The following XKRX variants were observed in gnomAD, a reference collection of about 807,000 sequenced individuals.
The protein encoded by XKRX is XK related X-linked.
In XKRX, 11 loss-of-function variants were observed where a neutral mutation model predicts 22.4. The observed-to-expected ratio is 0.49, with a 90% confidence interval of 0.31 to 0.81. The LOEUF is 0.81. Among genes scored for constraint, XKRX ranks in the 40% least tolerant of loss-of-function variants. XKRX has a pLI of 0.05. For synonymous variants in XKRX, 114 were observed against 132.2 expected, an observed-to-expected ratio of 0.86 and a Z score of 0.94; for missense variants, 320 against 336.5, an observed-to-expected ratio of 0.95 and a Z score of 0.38.
chrX:100,904,997 C>T, the XKRX span, among the ~76,000 whole-genome samples: 1 of 111,713 alleles, frequency 9.0e-6, no homozygotes, highest in Non-Finnish European at 1.9e-5. Flanking sequence ...ATAGATCTGC[C>T]CCAATTTAAA....
Position 100,914,952 on chromosome X carries a change from A to G in XKRX, c.736T>C (p.Trp246Arg). Residue 246 changes from tryptophan to arginine, a missense_variant, in exon 3 of 3, where the codon TGG becomes CGG. Transcript: ENST00000372956. ...GPLEVLCITI[W>R]RTLEITSRLL... ...CGGGAAGTGATCTCCAATGTCCGCC[A>G]GATGGTGATGCAGAGGACTTCTAGT... The G allele has an allele frequency of 1.7e-6, 2 of 1,212,096 alleles. No individual in the cohort carries two copies. Among genetic ancestry groups the G allele is most frequent in the Non-Finnish European group, 2.2e-6 (2 of 895,637 alleles).
chrX:100,951,210 G>A, the XKRX span, among the ~76,000 whole-genome samples: 1 of 98,315 alleles, frequency 1.0e-5, no homozygotes, highest in Non-Finnish European at 2.0e-5. Context: ...CTCCAGCTTG[G>A]GCGACAAGAG....
At chrX:100,932,938 G>A (rs781003571), upstream of XKRX, among the ~76,000 whole-genome samples, 2 of 111,617 alleles carry the variant, frequency 1.8e-5, no homozygotes, top group African/African-American at 3.3e-5. Flanking sequence ...ACTGAGGTGG[G>A]AGGATTGCTT....
chrX:100,953,691 C>A, the XKRX span, among the ~76,000 whole-genome samples: 1 of 110,244 alleles, frequency 9.1e-6, no homozygotes, highest in Non-Finnish European at 1.9e-5. Flanking sequence ...GGCGGATCAC[C>A]TGAGGTCAGG....
chrX:100,888,354 C>T, the XKRX span: 3 of 726,996 alleles, frequency 4.1e-6, no homozygotes, highest in Non-Finnish European at 6.4e-6. Flanking sequence ...ACTTTTCCAT[C>T]CACCTTGTGT....
chrX:100,890,177 C>A, the XKRX span, among the ~76,000 whole-genome samples: 52 of 111,238 alleles, frequency 4.7e-4, 1 homozygote, highest in South Asian at 3.1e-3. Flanking sequence ...AGTCAGATTA[C>A]CTAGGGCTTT....
the XKRX span, among the ~76,000 whole-genome samples, chrX:100,948,709 A>T: frequency 8.6e-3 from 966 of 112,854 alleles, 10 homozygotes; most frequent in African/African-American, 0.03. Flanking sequence ...CCAAACAGAG[A>T]TACCCATGTC....
At chrX:100,931,913 C>G (rs1270944445), upstream of XKRX, among the ~76,000 whole-genome samples, 6 of 111,821 alleles carry the variant, frequency 5.4e-5, no homozygotes, top group African/African-American at 1.9e-4. Context: ...TGTCCCTTCT[C>G]AAGGATTTCT....
At chrX:100,949,713 A>C in the XKRX span, among the ~76,000 whole-genome samples, 12 of 111,659 alleles carry the variant, frequency 1.1e-4, no homozygotes, top group Non-Finnish European at 2.1e-4. Context: ...AAAATGTCAA[A>C]AATACAATAG....
chrX:100,907,649 A>G, the XKRX span, among the ~76,000 whole-genome samples: 17 of 112,306 alleles, frequency 1.5e-4, no homozygotes, highest in Non-Finnish European at 3.0e-4. Context: ...CATGATAAAT[A>G]GAGGGGCAAT....
chrX:100,927,876 A>C (rs2085504533), intron 1 of XKRX, 94 bp downstream of exon 1: 18 of 1,030,564 alleles, frequency 1.7e-5, no homozygotes, highest in Non-Finnish European at 2.3e-5. Flanking sequence ...AATTGATTAG[A>C]GCCATAGTAT....
the XKRX span, among the ~76,000 whole-genome samples, chrX:100,895,012 T>G: frequency 8.9e-6 from 1 of 112,040 alleles, no homozygotes; most frequent in South Asian, 3.7e-4. Context: ...ATAATTCGGA[T>G]GTTAACTAAC....
chrX:100,953,658 C>T, the XKRX span, among the ~76,000 whole-genome samples: 1 of 111,133 alleles, frequency 9.0e-6, no homozygotes, highest in African/African-American at 3.3e-5. Context: ...TCTGTAATCC[C>T]AGCACTTTGG....
chrX:100,957,626 TGGA>T, the XKRX span: 1 of 498,901 alleles, frequency 2.0e-6, no homozygotes, highest in African/African-American at 2.4e-5. Context: ...GTGCCTCTTT[TGGA>T]GAAGACATGT....
At chrX:100,910,763 T>G (rs1238345656), downstream of XKRX, 28 of 758,111 alleles carry the variant, frequency 3.7e-5, no homozygotes, top group Non-Finnish European at 5.4e-5. Flanking sequence ...GGATATCGTT[T>G]GGATTACCAT....
chrX:100,893,422 A>C, the XKRX span, among the ~76,000 whole-genome samples: 2 of 112,130 alleles, frequency 1.8e-5, no homozygotes, highest in East Asian at 5.6e-4. Context: ...CCAAGAACTA[A>C]GAAGGGAACT....
At chrX:100,906,081 T>C in the XKRX span, among the ~76,000 whole-genome samples, 3 of 111,819 alleles carry the variant, frequency 2.7e-5, no homozygotes, top group Middle Eastern at 4.7e-3. Flanking sequence ...CAGGTTTTTC[T>C]TTTAAAAAAG....
the XKRX span, among the ~76,000 whole-genome samples, chrX:100,899,892 A>G: frequency 3.6e-5 from 4 of 112,248 alleles, no homozygotes; most frequent in Admixed American, 3.8e-4. Context: ...TTATGATTGG[A>G]AGATTTAATA....
the XKRX span, among the ~76,000 whole-genome samples, chrX:100,942,752 T>G: frequency 8.1e-5 from 9 of 111,668 alleles, no homozygotes; most frequent in Non-Finnish European, 1.9e-5. Context: ...GACTGAGAAG[T>G]GCTAGAGGAG....
Sources: gnomAD v4.1 joint callset for allele counts (sites outside exome capture counted in the v4.1 genomes callset) on GRCh38, gnomAD v4.1.1 for gene constraint, MANE v1.5 for transcripts, NCBI Gene and HGNC (gene_info 2026-07-23, HGNC 2026-07-21) for gene names.